GFPT2: variants seen among roughly 807,000 people sequenced by gnomAD.
GFPT2 encodes glutamine--fructose-6-phosphate transaminase 2, also known as glutamine--fructose-6-phosphate aminotransferase [isomerizing] 2.
A neutral mutation model predicts 85.6 loss-of-function variants in GFPT2; 62 were observed. That is an observed-to-expected ratio of 0.72 (90% confidence interval 0.59 to 0.90). The LOEUF is 0.90. Ranked by LOEUF, GFPT2 falls within the 40% of genes least tolerant of loss-of-function variation. The pLI, the probability that GFPT2 is intolerant of heterozygous loss-of-function variation, is 0.00. For synonymous variants in GFPT2, 368 were observed against 344.5 expected (o/e 1.07, Z -0.75); for missense variants, 788 against 893.4 (o/e 0.88, Z 1.50).
At chr5:180,346,917 C>G (rs1764620256) in intron 1 of GFPT2, among the ~76,000 whole-genome samples, 1 of 152,226 alleles carries the variant, frequency 6.6e-6, no homozygotes, top group Non-Finnish European at 1.5e-5. Flanking sequence ...GTAAATAACA[C>G]CAAACTTCTT....
At chr5:180,319,463 A>G (rs1764077806) in intron 9 of GFPT2, among the ~76,000 whole-genome samples, 1 of 152,180 alleles carries the variant, frequency 6.6e-6, no homozygotes, top group South Asian at 2.1e-4. Flanking sequence ...TCTGTCTTTC[A>G]GAACAACCAC....
At chr5:180,336,253 G>T in intron 3 of GFPT2, 1 of 595,776 alleles carries the variant, frequency 1.7e-6, no homozygotes. Flanking sequence ...AATAACTACT[G>T]TATGTAACCC....
rs190430486 is a variant in GFPT2, at chr5:180,335,452, C to T, written c.340+376G>A. Reference sequence around the variant, plus strand: ...GCATAAGGACAGAACCCATCCTTGCCTGAAGGGTACACCCTTCTGCAGCAT... The same window carrying T: ...GCATAAGGACAGAACCCATCCTTGCTTGAAGGGTACACCCTTCTGCAGCAT... On this transcript the variant is annotated intron_variant, in intron 4 of 18. Coordinates refer to ENST00000253778, the MANE Select transcript of GFPT2 (RefSeq NM_005110.4). Among the ~76,000 whole-genome samples, 227 of 152,338 alleles carry T rather than the reference C, an allele frequency of 1.5e-3. 1 individual carries two copies. Among genetic ancestry groups the T allele is most frequent in the Non-Finnish European group, 2.5e-3 (172 of 68,030 alleles).
intron 1 of GFPT2, among the ~76,000 whole-genome samples, chr5:180,343,201 C>T (rs1345446063): frequency 6.6e-6 from 1 of 152,160 alleles, no homozygotes; most frequent in Non-Finnish European, 1.5e-5. Flanking sequence ...ATGATGTTCC[C>T]GAGTGCATAA....
intron 7 of GFPT2, among the ~76,000 whole-genome samples, chr5:180,325,391 T>A (rs1764196362): frequency 6.6e-6 from 1 of 152,246 alleles, no homozygotes; most frequent in African/African-American, 2.4e-5. Context: ...GGCACTAGTC[T>A]GACTGACTTT....
intron 2 of GFPT2, 91 bp downstream of exon 2, chr5:180,338,402 C>G: frequency 1.9e-6 from 1 of 526,850 alleles, no homozygotes. Context: ...GAAAAAATGC[C>G]CTGGTTGTAA....
At chr5:180,340,056 G>A (rs971261552) in intron 1 of GFPT2, among the ~76,000 whole-genome samples, 3 of 152,204 alleles carry the variant, frequency 2.0e-5, no homozygotes, top group African/African-American at 7.2e-5. Flanking sequence ...TATTCTCACA[G>A]TTCTGGAGGC....
At chr5:180,320,551 T>A (rs1764099687) in intron 9 of GFPT2, among the ~76,000 whole-genome samples, 1 of 152,032 alleles carries the variant, frequency 6.6e-6, no homozygotes, top group Non-Finnish European at 1.5e-5. Flanking sequence ...GGCGGGAAGA[T>A]CACCTGAGGT....
chr5:180,341,725 G>A (rs1295674037), intron 1 of GFPT2, among the ~76,000 whole-genome samples: 1 of 152,154 alleles, frequency 6.6e-6, no homozygotes, highest in African/African-American at 2.4e-5. Context: ...CTTTAGATCA[G>A]GTGAGAGGAG....
At chr5:180,317,753 C>T (rs1374500769) in intron 10 of GFPT2, among the ~76,000 whole-genome samples, 4 of 72,762 alleles carry the variant, frequency 5.5e-5, no homozygotes, top group Admixed American at 5.3e-4. Context: ...AGCAAGACTC[C>T]GTCTCAAAAA....
intron 1 of GFPT2, among the ~76,000 whole-genome samples, chr5:180,349,517 CCT>C (rs375703083): frequency 4.6e-5 from 7 of 152,050 alleles, no homozygotes; most frequent in South Asian, 2.1e-4. Flanking sequence ...TTGGGAATCC[CCT>C]GAGGAGACAG....
Position 180,328,481 on chromosome 5 carries a change from A to G in GFPT2, c.535-143T>C, listed in dbSNP as rs1764251270. On this transcript the variant is annotated intron_variant, in intron 6 of 18. Coordinates refer to ENST00000253778, the MANE Select transcript of GFPT2 (RefSeq NM_005110.4). This position sits in a 1 kb window ranked among gnomAD's most constrained non-coding sequence, Gnocchi z 5.4. ...CGGGGAGCTGAGTGCAGAACAGCGC[A>G]TCCGGGGTGACATCACGAGGGAAAG... 2 of 642,510 alleles carry G rather than the reference A, an allele frequency of 3.1e-6. No individual in the cohort carries two copies. Among genetic ancestry groups the G allele is most frequent in the Admixed American group, 2.6e-5 (1 of 37,942 alleles). 39.8% of individuals were successfully genotyped at this position (642,510 alleles called of 1,614,324 possible). A position where few individuals can be genotyped will look rare whatever the true frequency, so the allele number is the denominator to read the frequency against.
intron 8 of GFPT2, chr5:180,324,596 A>G: frequency 8.4e-6 from 5 of 593,666 alleles, no homozygotes; most frequent in Non-Finnish European, 1.2e-5. Flanking sequence ...TTGACAATAT[A>G]CAAAATCATG....
intron 14 of GFPT2, among the ~76,000 whole-genome samples, chr5:180,313,465 C>T (rs1337383868): frequency 2.0e-5 from 3 of 149,770 alleles, no homozygotes; most frequent in Non-Finnish European, 4.5e-5. Flanking sequence ...GGGCGGGTGC[C>T]TGTAGTCCCA....
intron 2 of GFPT2, among the ~76,000 whole-genome samples, chr5:180,337,894 C>G (rs556497407): frequency 6.6e-6 from 1 of 152,300 alleles, no homozygotes; most frequent in East Asian, 1.9e-4. Flanking sequence ...CACCTACAAT[C>G]TCAGTGCTTT....
intron 15 of GFPT2, 56 bp from the exon 16 acceptor site, chr5:180,307,359 A>G (rs2127646716): frequency 6.3e-7 from 1 of 1,579,266 alleles, no homozygotes; most frequent in Non-Finnish European, 8.7e-7. Flanking sequence ...TTAAAGCAAT[A>G]TTCATGAAGA....
At chr5:180,351,448 C>T (rs1316110154) in intron 1 of GFPT2, among the ~76,000 whole-genome samples, 1 of 152,054 alleles carries the variant, frequency 6.6e-6, no homozygotes, top group African/African-American at 2.4e-5. Flanking sequence ...CCCAAATCAG[C>T]AAATCTGGGA....
chr5:180,318,910 C>A lies in GFPT2; in HGVS notation c.841G>T (p.Asp281Tyr). 1 of 1,613,732 alleles carries A rather than the reference C, an allele frequency of 6.2e-7. No homozygotes were observed. Among genetic ancestry groups the A allele is most frequent in the South Asian group, 1.1e-5 (1 of 91,080 alleles). The part of the protein sequence containing the change: ...TNRVIFLEDD[D>Y]IAAVADGKLS... ...TTCCCATCAGCCACTGCGGCGATGT[C>A]ATCGTCCTCCAGGAAGATGACCCGG... Residue 281 changes from aspartate (D) to tyrosine (Y), a missense_variant, in exon 10 of 19, where the codon GAC (aspartate) becomes TAC (tyrosine). Asp to Tyr is a radical substitution (Grantham distance 160). Transcript: ENST00000253778. The surrounding 1 kb of genome is among the most constrained non-coding windows in gnomAD (Gnocchi z 4.2).
In GFPT2 at chr5:180,302,592, A is replaced by C; in HGVS notation, c.1843-8T>G. 9 of 1,605,368 alleles carry C rather than the reference A, an allele frequency of 5.6e-6. No individual in the cohort carries two copies. Among genetic ancestry groups the C allele is most frequent in the Non-Finnish European group, 7.7e-6 (9 of 1,173,592 alleles). On this transcript the variant is annotated splice_polypyrimidine_tract_variant and splice_region_variant and intron_variant, in intron 17 of 18. Coordinates refer to ENST00000253778, the MANE Select transcript of GFPT2 (RefSeq NM_005110.4). ...CAGTATAATGGGGCGACCCTAGAGC[A>C]GAGAAATAGCATCATAAAATAGACC...
Sources: gnomAD v4.1 joint callset for allele counts (sites outside exome capture counted in the v4.1 genomes callset) on GRCh38, gnomAD v4.1.1 for gene constraint, Gnocchi (gnomAD v3.1) non-coding constraint, MANE v1.5 for transcripts, NCBI Gene and HGNC (gene_info 2026-07-23, HGNC 2026-07-21) for gene names.